SLC9D1: variants seen among roughly 807,000 people sequenced by gnomAD.
SLC9D1 encodes solute carrier family 9 member D1.
At chr13:113,493,683 G>A in the SLC9D1 span, among the ~76,000 whole-genome samples, 2 of 152,194 alleles carry the variant, frequency 1.3e-5, no homozygotes, top group African/African-American at 2.4e-5. Context: ...TGAATTCTCT[G>A]TGGAGTGTGC....
At chr13:113,526,529 G>A in the SLC9D1 span, among the ~76,000 whole-genome samples, 1 of 151,924 alleles carries the variant, frequency 6.6e-6, no homozygotes, top group Non-Finnish European at 1.5e-5. Context: ...GACCAGCCTG[G>A]GCAACATAGC....
the SLC9D1 span, among the ~76,000 whole-genome samples, chr13:113,521,931 A>G: frequency 8.5e-5 from 13 of 152,170 alleles, no homozygotes; most frequent in African/African-American, 2.7e-4. Flanking sequence ...CCTTTATTGC[A>G]TTTCTTACAG....
chr13:113,503,346 TGTGTGTGTGTG>T, the SLC9D1 span: 3,245 of 153,440 alleles, frequency 0.021, 4 homozygotes, highest in Middle Eastern at 0.04. Flanking sequence ...ACTGTGTGAT[TGTGTGTGTGTG>T]TGTGTGTGTG....
the SLC9D1 span, among the ~76,000 whole-genome samples, chr13:113,513,106 AC>A: frequency 1.3e-3 from 203 of 152,300 alleles, no homozygotes; most frequent in African/African-American, 4.8e-3. Context: ...GAACGTCTGA[AC>A]ACTTGGCAGA....
the SLC9D1 span, among the ~76,000 whole-genome samples, chr13:113,521,072 G>A: frequency 0.18 from 28,133 of 152,126 alleles, 3,445 homozygotes; most frequent in African/African-American, 0.35. Flanking sequence ...TGTGGAGGGA[G>A]GGGGGTGTCT....
chr13:113,507,726 A>G, the SLC9D1 span, among the ~76,000 whole-genome samples: 1 of 152,078 alleles, frequency 6.6e-6, no homozygotes, highest in African/African-American at 2.4e-5. Context: ...TGTGGTTGGG[A>G]GTTTCGTTTG....
chr13:113,537,164 G>A, the SLC9D1 span, among the ~76,000 whole-genome samples: 3 of 152,140 alleles, frequency 2.0e-5, no homozygotes, highest in African/African-American at 4.8e-5. Flanking sequence ...TTTATATGCC[G>A]GCAGATTTTT....
chr13:113,510,389 G>T, the SLC9D1 span: 3 of 1,613,496 alleles, frequency 1.9e-6, no homozygotes, highest in Non-Finnish European at 2.5e-6. Flanking sequence ...CTCGTGTCCA[G>T]GTTCCTCATG....
chr13:113,534,789 CA>C, the SLC9D1 span: 65,992 of 148,558 alleles, frequency 0.44, 16,621 homozygotes, highest in African/African-American at 0.71. Flanking sequence ...GACCCCATAT[CA>C]AAAAAAAACG....
the SLC9D1 span, chr13:113,520,782 T>G: frequency 1.3e-5 from 17 of 1,350,754 alleles, 2 homozygotes; most frequent in Middle Eastern, 1.9e-4. Context: ...AAATCACTTG[T>G]GCATAAAAAT....
chr13:113,517,304 C>T, the SLC9D1 span, among the ~76,000 whole-genome samples: 1 of 152,192 alleles, frequency 6.6e-6, no homozygotes, highest in East Asian at 1.9e-4. Flanking sequence ...ACAATTTCAG[C>T]TCACTGCAAG....
At chr13:113,495,730 T>C in the SLC9D1 span, 60 of 1,613,730 alleles carry the variant, frequency 3.7e-5, no homozygotes, top group Non-Finnish European at 1.0e-5. Flanking sequence ...CGGCAGTGGG[T>C]CCGGGACAGC....
chr13:113,508,431 C>T, the SLC9D1 span, among the ~76,000 whole-genome samples: 2 of 152,212 alleles, frequency 1.3e-5, no homozygotes, highest in African/African-American at 2.4e-5. Context: ...CATTGCTCTT[C>T]GGCCGTGATA....
chr13:113,526,042 G>T, the SLC9D1 span, among the ~76,000 whole-genome samples: 1 of 148,572 alleles, frequency 6.7e-6, no homozygotes, highest in Non-Finnish European at 1.5e-5. Flanking sequence ...GCTATGTGCC[G>T]GTTATTCTAG....
the SLC9D1 span, among the ~76,000 whole-genome samples, chr13:113,546,279 C>T: frequency 6.6e-6 from 1 of 151,744 alleles, no homozygotes; most frequent in East Asian, 2.0e-4. The surrounding 1 kb of genome is among the most constrained non-coding windows in gnomAD (Gnocchi z 7.1). Context: ...GCTCAGCTGA[C>T]AGCTGGGGAG....
chr13:113,508,372 G>A, the SLC9D1 span, among the ~76,000 whole-genome samples: 6 of 152,222 alleles, frequency 3.9e-5, no homozygotes, highest in South Asian at 2.1e-4. Context: ...TAACCCCCAC[G>A]CCCGTGGCCT....
At chr13:113,525,592 A>G in the SLC9D1 span, among the ~76,000 whole-genome samples, 81 of 87,202 alleles carry the variant, frequency 9.3e-4, no homozygotes, top group African/African-American at 1.4e-3. Flanking sequence ...CGGTTATTCT[A>G]GAACAAGCCA....
At chr13:113,548,262 G>A in the SLC9D1 span, 1 of 1,608,610 alleles carries the variant, frequency 6.2e-7, no homozygotes, top group African/African-American at 1.3e-5. Flanking sequence ...ACTCTGTGTG[G>A]GTCCAGTCTT....
chr13:113,548,344 G>A, the SLC9D1 span: 1 of 1,614,046 alleles, frequency 6.2e-7, no homozygotes, highest in Non-Finnish European at 8.5e-7. Flanking sequence ...TTCTGCCGAG[G>A]AGCAGCCAGT....
Sources: allele counts gnomAD v4.1 joint callset (sites outside exome capture counted in the v4.1 genomes callset), GRCh38; gene constraint gnomAD v4.1.1; non-coding constraint Gnocchi (gnomAD v3.1); transcripts MANE v1.5; gene names NCBI Gene and HGNC (gene_info 2026-07-23, HGNC 2026-07-21).